SORCS3: variants seen among roughly 807,000 people sequenced by gnomAD.
SORCS3 encodes the protein sortilin related VPS10 domain containing receptor 3.
Under a neutral mutation model 146.3 loss-of-function variants are expected in SORCS3, and 57 were observed. That is an observed-to-expected ratio of 0.39 (90% CI 0.31 to 0.49). The LOEUF is 0.49. SORCS3 is among the 20% of genes least tolerant of loss of function. SORCS3 has a pLI of 0.92. For synonymous variants in SORCS3, 653 were observed against 618.5 expected (o/e 1.06, Z -0.83); for missense variants, 1,341 against 1,575.5 (o/e 0.85, Z 2.52).
chr10:104,891,353 A>T (rs1398316814), intron 2 of SORCS3, among the ~76,000 whole-genome samples: 1 of 152,170 alleles, frequency 6.6e-6, no homozygotes, highest in Admixed American at 6.6e-5. Context: ...TAGGATAGGG[A>T]GTCCGCTCTG....
At chr10:105,191,924 T>G (rs1205884160) in intron 14 of SORCS3, among the ~76,000 whole-genome samples, 2 of 152,150 alleles carry the variant, frequency 1.3e-5, no homozygotes, top group Non-Finnish European at 2.9e-5. Flanking sequence ...GACCATACAC[T>G]GAGCCAAATA....
chr10:104,854,552 A>G (rs2018308924), intron 2 of SORCS3, among the ~76,000 whole-genome samples: 1 of 152,194 alleles, frequency 6.6e-6, no homozygotes, highest in Non-Finnish European at 1.5e-5. Flanking sequence ...CCAACATTAT[A>G]CAGATACTCT....
At chr10:105,017,724 C>T (rs1431245215) in intron 4 of SORCS3, among the ~76,000 whole-genome samples, 1 of 152,216 alleles carries the variant, frequency 6.6e-6, no homozygotes, top group African/African-American at 2.4e-5. Context: ...TTATGATCCA[C>T]TCCTTATCCC....
At chr10:104,762,493 C>G (rs1411259897) in intron 1 of SORCS3, among the ~76,000 whole-genome samples, 4 of 152,164 alleles carry the variant, frequency 2.6e-5, no homozygotes, top group Admixed American at 2.6e-4. Flanking sequence ...ATCTCTTCAA[C>G]CAAAACCTAA....
intron 3 of SORCS3, among the ~76,000 whole-genome samples, chr10:104,929,266 A>C (rs2019181376): frequency 6.6e-6 from 1 of 152,194 alleles, no homozygotes; most frequent in Non-Finnish European, 1.5e-5. Flanking sequence ...TACCTGGCAG[A>C]GAGTAGGTAT....
chr10:105,198,504 A>G (rs2056556449), intron 14 of SORCS3, among the ~76,000 whole-genome samples: 1 of 152,198 alleles, frequency 6.6e-6, no homozygotes, highest in Non-Finnish European at 1.5e-5. Flanking sequence ...AAAGATTTAA[A>G]ATGGACTGAC....
At chr10:105,055,727 C>A (rs2055441557) in intron 5 of SORCS3, among the ~76,000 whole-genome samples, 1 of 152,106 alleles carries the variant, frequency 6.6e-6, no homozygotes, top group African/African-American at 2.4e-5. Context: ...TTTCAACATT[C>A]AAATCCCATT....
At chr10:105,035,403 A>G (rs557410374) in intron 4 of SORCS3, among the ~76,000 whole-genome samples, 1 of 151,700 alleles carries the variant, frequency 6.6e-6, no homozygotes, top group Non-Finnish European at 1.5e-5. Context: ...TCCTTAAGCT[A>G]TCTTTTTAAA....
At chr10:105,170,166 A>G (rs1006543161) in intron 13 of SORCS3, among the ~76,000 whole-genome samples, 11 of 152,272 alleles carry the variant, frequency 7.2e-5, no homozygotes, top group African/African-American at 2.6e-4. Flanking sequence ...AAATATTGGC[A>G]TCCTTACATC....
chr10:104,750,711 G>A (rs1404598645), intron 1 of SORCS3, among the ~76,000 whole-genome samples: 1 of 152,214 alleles, frequency 6.6e-6, no homozygotes, highest in Non-Finnish European at 1.5e-5. Flanking sequence ...AGGGATAAAT[G>A]TAAAGTTCTA....
chr10:104,866,364 A>T (rs975472080), intron 2 of SORCS3, among the ~76,000 whole-genome samples: 1 of 152,172 alleles, frequency 6.6e-6, no homozygotes, highest in South Asian at 2.1e-4. Context: ...TACCAGATTT[A>T]TGGGTCTAGG....
At chr10:104,706,537 A>G (rs1235777103) in intron 1 of SORCS3, among the ~76,000 whole-genome samples, 1 of 152,094 alleles carries the variant, frequency 6.6e-6, no homozygotes, top group Admixed American at 6.5e-5. Context: ...GAGATATACT[A>G]CTGAAAGAAG....
chr10:105,219,023 AT>A (rs1303160716), intron 19 of SORCS3, among the ~76,000 whole-genome samples: 1 of 148,738 alleles, frequency 6.7e-6, no homozygotes, highest in East Asian at 2.0e-4. Context: ...TCAAAAAAAA[AT>A]ATATATATAT....
At chr10:105,078,298 G>A (rs1220008942) in intron 5 of SORCS3, among the ~76,000 whole-genome samples, 1 of 152,014 alleles carries the variant, frequency 6.6e-6, no homozygotes, top group Non-Finnish European at 1.5e-5. Flanking sequence ...AATGCACAGG[G>A]AGGCACGGTG....
intron 1 of SORCS3, among the ~76,000 whole-genome samples, chr10:104,736,768 T>C (rs2016778402): frequency 1.6e-5 from 1 of 62,412 alleles, no homozygotes; most frequent in African/African-American, 8.1e-5. Context: ...TTCAAAGGCA[T>C]GTTTTCTTTT....
chr10:104,643,722 G>GTGTGTGTA lies in SORCS3; in HGVS notation c.627+1775_627+1776insATGTGTGT, dbSNP rs1190161130. 4.4e-4 allele frequency among the ~76,000 whole-genome samples: 67 copies of GTGTGTGTA among 151,796 alleles called. 1 individual carries two copies. In the East Asian group the frequency reaches 0.011, roughly 24 times the overall value. ...TTTGATAATTAGGGTGTGTGTGTGTGTGTGTGTGTGTGTGTGTGTGTGTTG... is the reference window on the plus strand; with the variant it reads ...TTTGATAATTAGGGTGTGTGTGTGTGTGTGTGTATGTGTGTGTGTGTGTGTGTGTGTTG... On this transcript the variant is annotated intron_variant, in intron 1 of 26. Transcript: ENST00000369701.
chr10:105,241,994 A>G (rs555355626), intron 20 of SORCS3, among the ~76,000 whole-genome samples: 2 of 152,078 alleles, frequency 1.3e-5, no homozygotes, highest in African/African-American at 4.8e-5. Flanking sequence ...CAAAGATTTA[A>G]CTTGTAACTT....
At chr10:104,670,337 G>C (rs2015836415) in intron 1 of SORCS3, among the ~76,000 whole-genome samples, 1 of 151,998 alleles carries the variant, frequency 6.6e-6, no homozygotes, top group Non-Finnish European at 1.5e-5. Flanking sequence ...TATGGTTTTA[G>C]GTCTTACATT....
chr10:104,809,342 G>A (rs185032089), intron 1 of SORCS3, among the ~76,000 whole-genome samples: 2 of 152,176 alleles, frequency 1.3e-5, no homozygotes, highest in African/African-American at 4.8e-5. Context: ...TGCTCCTGGG[G>A]GTTGGCTGGC....
Sources: allele counts gnomAD v4.1 joint callset (sites outside exome capture counted in the v4.1 genomes callset), GRCh38; gene constraint gnomAD v4.1.1; transcripts MANE v1.5; gene names NCBI Gene and HGNC (gene_info 2026-07-23, HGNC 2026-07-21).